The following CFAP20DC variants were observed in gnomAD, a reference collection of about 807,000 sequenced individuals.
CFAP20DC encodes CFAP20 domain containing, also known as protein CFAP20DC.
A neutral mutation model predicts 101.7 loss-of-function variants in CFAP20DC; 84 were observed. That is an observed-to-expected ratio of 0.83 (90% CI 0.69 to 0.99). The LOEUF is 0.99. Ranked by LOEUF, CFAP20DC falls within the 50% of genes least tolerant of loss-of-function variation. The pLI, the probability that CFAP20DC is intolerant of heterozygous loss-of-function variation, is 0.00. For missense variants in CFAP20DC, 1,007 were observed against 970.3 expected, an observed-to-expected ratio of 1.04 and a Z score of -0.50; for synonymous variants, 359 against 351.2, an observed-to-expected ratio of 1.02 and a Z score of -0.25.
At chr3:58,942,110 T>C (rs919345144) in intron 4 of CFAP20DC, among the ~76,000 whole-genome samples, 9 of 152,228 alleles carry the variant, frequency 5.9e-5, no homozygotes, top group African/African-American at 1.9e-4. Flanking sequence ...TTTTCTATAC[T>C]GGTTGAAATT....
chr3:58,811,286 G>A (rs1444297342), intron 14 of CFAP20DC, among the ~76,000 whole-genome samples: 6 of 152,196 alleles, frequency 3.9e-5, no homozygotes, highest in South Asian at 2.1e-4. Context: ...GAGGCATCAC[G>A]TTACCTGACT....
chr3:58,890,330 C>T (rs573817041), intron 6 of CFAP20DC, among the ~76,000 whole-genome samples: 29 of 142,620 alleles, frequency 2.0e-4, no homozygotes, highest in South Asian at 8.9e-4. Context: ...ACCTCCCTCC[C>T]GGACGGGGCG....
At chr3:58,865,384 T>C (rs1343228586) in intron 11 of CFAP20DC, among the ~76,000 whole-genome samples, 2 of 152,212 alleles carry the variant, frequency 1.3e-5, no homozygotes, top group African/African-American at 4.8e-5. Context: ...TAACATAACT[T>C]ACCTGTAAAA....
intron 4 of CFAP20DC, among the ~76,000 whole-genome samples, chr3:58,947,461 C>T (rs1238382350): frequency 6.6e-6 from 1 of 152,222 alleles, no homozygotes; most frequent in Non-Finnish European, 1.5e-5. Flanking sequence ...CCAAAATAAG[C>T]TCTCTTTGGG....
At position 58,729,519 on chromosome 3, in the gene CFAP20DC, AGTTT is replaced by A. The variant is rs2067604809; in HGVS notation, c.198-11895_198-11892del. On this transcript the variant is annotated intron_variant, in intron 3 of 3. Coordinates refer to the CFAP20DC transcript ENST00000486145. This position sits in a 1 kb window ranked among gnomAD's most constrained non-coding sequence, Gnocchi z 4.4. ...AAGAGTTGTTTTAAGACACTAGATAAGTTTGTTAATTTTAGTAATTTATCTGTAG... is the reference window on the plus strand; with the variant it reads ...AAGAGTTGTTTTAAGACACTAGATAAGTTAATTTTAGTAATTTATCTGTAG... 6.6e-6 allele frequency among the ~76,000 whole-genome samples: 1 copy of A among 152,150 alleles called. No individual in the cohort carries two copies. Among genetic ancestry groups the A allele is most frequent in the East Asian group, 1.9e-4 (1 of 5,194 alleles).
intron 3 of CFAP20DC, among the ~76,000 whole-genome samples, chr3:58,719,798 A>G (rs775985615): frequency 1.3e-5 from 2 of 152,212 alleles, no homozygotes; most frequent in Admixed American, 6.5e-5. Context: ...TGAGGTTAAG[A>G]CCATGGGCTT....
intron 6 of CFAP20DC, among the ~76,000 whole-genome samples, chr3:58,910,994 A>G (rs1258890853): frequency 6.6e-6 from 1 of 152,140 alleles, no homozygotes; most frequent in African/African-American, 2.4e-5. Flanking sequence ...CTTTAAAATA[A>G]GTTTGATTAA....
In CFAP20DC at chr3:58,721,378, T is replaced by C. The variant is rs899828693; in HGVS notation, c.198-3750A>G. On this transcript the variant is annotated intron_variant, in intron 3 of 3. Coordinates refer to the CFAP20DC transcript ENST00000486145. The surrounding 1 kb of genome is among the most constrained non-coding windows in gnomAD (Gnocchi z 5.2). ...GGAGTTTATAGTCAGAATGAAGAGA[T>C]AGACATTTTTTAAAAATTACAACCA... Among the ~76,000 whole-genome samples the C allele has an allele frequency of 7.2e-5, 11 of 152,040 alleles. No individual in the cohort carries two copies. In the East Asian group the frequency reaches 1.2e-3, roughly 16 times the overall value.
chr3:58,747,188 C>T (rs2068264860), intron 16 of CFAP20DC, among the ~76,000 whole-genome samples: 1 of 152,114 alleles, frequency 6.6e-6, no homozygotes, highest in African/African-American at 2.4e-5. Flanking sequence ...AAAGCCATTT[C>T]TAGTGAAATA....
intron 15 of CFAP20DC, among the ~76,000 whole-genome samples, chr3:58,758,695 C>G (rs932373465): frequency 6.6e-6 from 1 of 152,098 alleles, no homozygotes; most frequent in African/African-American, 2.4e-5. Context: ...CCCTTCCCCT[C>G]ACCCACAACA....
intron 16 of CFAP20DC, among the ~76,000 whole-genome samples, chr3:58,747,863 A>C (rs887175854): frequency 6.6e-6 from 1 of 152,164 alleles, no homozygotes; most frequent in African/African-American, 2.4e-5. Flanking sequence ...TGTACCCTCA[A>C]ATGGGAGAAA....
At chr3:58,982,663 C>T (rs1446937963) in intron 4 of CFAP20DC, among the ~76,000 whole-genome samples, 12 of 130,784 alleles carry the variant, frequency 9.2e-5, no homozygotes, top group African/African-American at 3.5e-4. Context: ...ACAATGAGAA[C>T]ACATGGACAC....
At chr3:58,717,157 A>G (rs1163743316), downstream of CFAP20DC, among the ~76,000 whole-genome samples, 1 of 152,094 alleles carries the variant, frequency 6.6e-6, no homozygotes, top group Non-Finnish European at 1.5e-5. This position sits in a 1 kb window ranked among gnomAD's most constrained non-coding sequence, Gnocchi z 4.1. Flanking sequence ...GCAGTGTGAC[A>G]TCTTGTGGAA....
At chr3:58,937,800 T>C in intron 4 of CFAP20DC, 38 bp from the exon 5 acceptor site, 8 of 1,123,562 alleles carry the variant, frequency 7.1e-6, no homozygotes, top group Non-Finnish European at 1.1e-5. Context: ...AAGATTCCCA[T>C]CAATTTAATA....
chr3:58,979,762 C>T (rs1250889455), intron 4 of CFAP20DC, among the ~76,000 whole-genome samples: 1 of 151,994 alleles, frequency 6.6e-6, no homozygotes, highest in Non-Finnish European at 1.5e-5. Context: ...TATTTTCTCC[C>T]TAAAGAAGTG....
chr3:58,867,010 G>A (rs1391235632), intron 10 of CFAP20DC, among the ~76,000 whole-genome samples: 1 of 152,092 alleles, frequency 6.6e-6, no homozygotes, highest in South Asian at 2.1e-4. Context: ...CACATGAAAT[G>A]AAGTGAGTTT....
chr3:58,731,867 A>G (rs1310225171), intron 3 of CFAP20DC, among the ~76,000 whole-genome samples: 1 of 152,204 alleles, frequency 6.6e-6, no homozygotes, highest in African/African-American at 2.4e-5. Context: ...CAATAGAACC[A>G]TTGTTGGTCA....
chr3:58,963,188 GTT>G lies in CFAP20DC; in HGVS notation c.279-25428_279-25427del, dbSNP rs1491108434. On this transcript the variant is annotated intron_variant, in intron 4 of 16. Transcript: ENST00000482387. ...TCATACTTCTTCTCAAGGTTCAGTA[GTT>G]TGTGTGTGTGTGTGTGTGTGTGTGT... Among the ~76,000 whole-genome samples, 60 of 127,578 alleles carry G rather than the reference GTT, an allele frequency of 4.7e-4. No homozygotes were observed. The East Asian group carries it at 9.8e-3, about 21-fold the overall frequency. The allele number at this position is 127,578 out of a possible 152,430, so 83.7% of individuals were successfully genotyped here.
intron 14 of CFAP20DC, among the ~76,000 whole-genome samples, chr3:58,808,889 A>C (rs1334556020): frequency 6.6e-6 from 1 of 152,146 alleles, no homozygotes. Flanking sequence ...GCAAACGGAA[A>C]ACAAAAAAAG....
Sources: gnomAD v4.1 joint callset for allele counts (sites outside exome capture counted in the v4.1 genomes callset) on GRCh38, gnomAD v4.1.1 for gene constraint, Gnocchi (gnomAD v3.1) non-coding constraint, MANE v1.5 for transcripts, NCBI Gene and HGNC (gene_info 2026-07-23, HGNC 2026-07-21) for gene names.